Variants in PDHX observed in about 807,000 individuals in gnomAD.
PDHX encodes the protein pyruvate dehydrogenase complex component X.
PDHX carries 33 observed loss-of-function variants against 55.3 expected under a neutral mutation model. The ratio of observed to expected loss-of-function variants is 0.60; its 90% CI spans 0.45 to 0.80. The LOEUF (loss-of-function observed/expected upper bound fraction) is 0.80. PDHX is among the 30% of genes least tolerant of loss of function. PDHX has a pLI of 0.00. For missense variants in PDHX, 622 were observed against 619.9 expected (o/e 1.00, Z -0.04); for synonymous variants, 226 against 219.4 (o/e 1.03, Z -0.27).
chr11:34,929,496 A>G (rs934110742), intron 1 of PDHX, among the ~76,000 whole-genome samples: 2 of 152,216 alleles, frequency 1.3e-5, no homozygotes, highest in Non-Finnish European at 2.9e-5. Flanking sequence ...TGGTGTTTTA[A>G]TACAAGAATT....
At chr11:34,937,251 G>T (rs941475989) in intron 2 of PDHX, among the ~76,000 whole-genome samples, 1 of 152,026 alleles carries the variant, frequency 6.6e-6, no homozygotes, top group African/African-American at 2.4e-5. Flanking sequence ...TAATCAATGT[G>T]ATAATCTAAA....
At position 34,952,231 on chromosome 11, in the gene PDHX, A is replaced by C. The variant is rs1854791133; in HGVS notation, c.342+4625A>C. 1.3e-5 allele frequency among the ~76,000 whole-genome samples: 2 copies of C among 152,124 alleles called. 1 individual carries two copies. The highest frequency in any genetic ancestry group is 1.3e-4 in the Admixed American group (2 of 15,266). ...CCAACCAAAAAGAGTCCAGGACCAG[A>C]TGGATTCACAGCCAAATTCTACCAG... On this transcript the variant is annotated intron_variant, in intron 3 of 10. Coordinates refer to ENST00000227868, the MANE Select transcript of PDHX (RefSeq NM_003477.3).
In PDHX at chr11:34,994,937, G is replaced by T. The variant is rs762238484; in HGVS notation, c.1271G>T (p.Gly424Val). 4 of 1,613,744 alleles carry T rather than the reference G, an allele frequency of 2.5e-6. No homozygotes were observed. In the African/African-American group the frequency reaches 4.0e-5, roughly 16 times the overall value. The change falls in exon 11 of 11, where the codon GGC becomes GTC. Residue 424 changes from glycine to valine, a missense_variant. By Grantham distance (109) the Gly-to-Val change is moderately radical. Transcript: ENST00000227868. Reference protein sequence around the residue: ...SFSISNLGMFGIDEFTAVINP... With the variant: ...SFSISNLGMFVIDEFTAVINP... Reference sequence around the variant, plus strand: ...AGTATTTCCAACTTGGGGATGTTTGGCATCGACGAATTTACTGCAGTGATT... The same window carrying T: ...AGTATTTCCAACTTGGGGATGTTTGTCATCGACGAATTTACTGCAGTGATT...
intron 3 of PDHX, 54 bp from the exon 4 acceptor site, chr11:34,957,326 CTACT>C (rs147205484): frequency 0.038 from 43,785 of 1,159,404 alleles, 1,213 homozygotes; most frequent in African/African-American, 0.094. Context: ...AAAGAACAAA[CTACT>C]TAATGCAGTC....
At chr11:34,964,824 CATAACTAATATTAGCTAG>C (rs1441638175) in intron 5 of PDHX, among the ~76,000 whole-genome samples, 3 of 81,880 alleles carry the variant, frequency 3.7e-5, no homozygotes, top group Non-Finnish European at 9.5e-5. Flanking sequence ...TAGCTATTAG[CATAACTAATATTAGCTAG>C]CTATTAGCAT....
At chr11:34,932,281 C>T (rs1291193060) in intron 2 of PDHX, among the ~76,000 whole-genome samples, 1 of 151,976 alleles carries the variant, frequency 6.6e-6, no homozygotes, top group Non-Finnish European at 1.5e-5. Flanking sequence ...GGTAAAAGTA[C>T]TAACTTTTAT....
chr11:34,917,428 A>C (rs1033587168), intron 1 of PDHX, among the ~76,000 whole-genome samples: 1 of 152,220 alleles, frequency 6.6e-6, no homozygotes, highest in Non-Finnish European at 1.5e-5. Flanking sequence ...TTTATTATAG[A>C]AAATTGTTGT....
chr11:34,931,090 A>G (rs1039913105), intron 1 of PDHX, among the ~76,000 whole-genome samples: 1 of 152,182 alleles, frequency 6.6e-6, no homozygotes, highest in African/African-American at 2.4e-5. Context: ...GTGAAACCTA[A>G]ATCAATCCTA....
chr11:34,962,282 G>A (rs1051011739), intron 5 of PDHX, among the ~76,000 whole-genome samples: 1 of 152,182 alleles, frequency 6.6e-6, no homozygotes, highest in Admixed American at 6.5e-5. Flanking sequence ...CTTGAATGTG[G>A]TTAGAAGAAC....
At chr11:34,937,291 G>A (rs1003593952) in intron 2 of PDHX, among the ~76,000 whole-genome samples, 3 of 146,128 alleles carry the variant, frequency 2.1e-5, no homozygotes, top group East Asian at 1.9e-4. Context: ...GCTCTCTATC[G>A]GATATAATAT....
intron 8 of PDHX, among the ~76,000 whole-genome samples, chr11:34,982,573 A>C (rs989508422): frequency 6.6e-6 from 1 of 152,154 alleles, no homozygotes; most frequent in Non-Finnish European, 1.5e-5. Context: ...AGACGCAATA[A>C]AAAATGATAA....
rs372004576 is a variant in PDHX, at chr11:34,947,442, G to A, written c.242-64G>A. On this transcript the variant is annotated intron_variant, in intron 2 of 10. Coordinates refer to ENST00000227868, the MANE Select transcript of PDHX (RefSeq NM_003477.3). ...GTATTTATTTATGTTTTATTCATACGTACATATATACATAGTAATATTTAT... is the reference window on the plus strand; with the variant it reads ...GTATTTATTTATGTTTTATTCATACATACATATATACATAGTAATATTTAT... The A allele has an allele frequency of 7.9e-4, 820 of 1,032,612 alleles. 12 individuals carry two copies. In the South Asian group the frequency reaches 9.7e-3, roughly 12 times the overall value. 64.0% of individuals were successfully genotyped at this position (1,032,612 alleles called of 1,614,324 possible). A position where few individuals can be genotyped will look rare whatever the true frequency, so the allele number is the denominator to read the frequency against.
chr11:34,932,233 T>C (rs1282391077), intron 2 of PDHX, among the ~76,000 whole-genome samples: 1 of 152,036 alleles, frequency 6.6e-6, no homozygotes, highest in Admixed American at 6.5e-5. Flanking sequence ...TAACTATAAC[T>C]CAAAATCCAG....
chr11:34,927,687 A>T (rs80287489), intron 1 of PDHX, among the ~76,000 whole-genome samples: 6 of 152,140 alleles, frequency 3.9e-5, no homozygotes, highest in Non-Finnish European at 8.8e-5. Flanking sequence ...TTATTAACAC[A>T]TTAATGCTTA....
intron 7 of PDHX, among the ~76,000 whole-genome samples, chr11:34,975,675 A>G (rs975504004): frequency 6.6e-6 from 1 of 151,952 alleles, no homozygotes; most frequent in African/African-American, 2.4e-5. Context: ...GACAGTGGGT[A>G]TTTACTTCCT....
At chr11:34,975,555 C>G (rs928924573) in intron 7 of PDHX, among the ~76,000 whole-genome samples, 1 of 152,096 alleles carries the variant, frequency 6.6e-6, no homozygotes, top group African/African-American at 2.4e-5. Flanking sequence ...CATGGATTTT[C>G]CCCTCTGGAT....
At chr11:34,985,028 T>TGC in intron 9 of PDHX, 1 of 332,044 alleles carries the variant, frequency 3.0e-6, no homozygotes, top group Non-Finnish European at 5.6e-6. Flanking sequence ...GCCATAAAGA[T>TGC]GCTATATCAG....
Position 34,974,748 on chromosome 11 carries a change from A to T in PDHX, c.965-3376A>T, listed in dbSNP as rs1457393277. 3.9e-5 allele frequency among the ~76,000 whole-genome samples: 6 copies of T among 152,278 alleles called. No homozygotes were observed. The East Asian group carries it at 1.2e-3, about 29-fold the overall frequency. Reference sequence around the variant, plus strand: ...CAGAACGAGACCCTATCTCTACAAAAAAATTGAAAAACTAGTCGGGCAGAT... The same window carrying T: ...CAGAACGAGACCCTATCTCTACAAATAAATTGAAAAACTAGTCGGGCAGAT... On this transcript the variant is annotated intron_variant, in intron 7 of 10. Coordinates refer to ENST00000227868, the MANE Select transcript of PDHX (RefSeq NM_003477.3).
chr11:34,994,302 G>T (rs1162413871), intron 10 of PDHX, among the ~76,000 whole-genome samples: 1 of 152,118 alleles, frequency 6.6e-6, no homozygotes, highest in South Asian at 2.1e-4. Context: ...GAGTATTTGG[G>T]TATCTAAACA....
Sources: gnomAD v4.1 joint callset for allele counts (sites outside exome capture counted in the v4.1 genomes callset) on GRCh38, gnomAD v4.1.1 for gene constraint, MANE v1.5 for transcripts, NCBI Gene and HGNC (gene_info 2026-07-23, HGNC 2026-07-21) for gene names.